L3MBTL4: variants seen among roughly 807,000 people sequenced by gnomAD.
The protein encoded by L3MBTL4 is lethal(3)malignant brain tumor-like protein 4.
Under a neutral mutation model 84.5 loss-of-function variants are expected in L3MBTL4, and 70 were observed. That is an observed-to-expected ratio of 0.83 (90% CI 0.68 to 1.01). L3MBTL4 has a LOEUF of 1.01. Ranked by LOEUF, L3MBTL4 falls within the 50% of genes least tolerant of loss-of-function variation. The pLI is 0.00. For missense variants in L3MBTL4, 715 were observed against 754.8 expected (o/e 0.95, Z 0.62); for synonymous variants, 274 against 259.8 (o/e 1.05, Z -0.52).
intron 16 of L3MBTL4, among the ~76,000 whole-genome samples, chr18:6,021,128 G>A (rs1334851795): frequency 2.0e-5 from 3 of 152,140 alleles, no homozygotes; most frequent in Non-Finnish European, 2.9e-5. Flanking sequence ...GCTTTTCCAC[G>A]GTCAAGTAAG....
intron 10 of L3MBTL4, among the ~76,000 whole-genome samples, chr18:6,230,342 C>T (rs487409): frequency 6.6e-6 from 1 of 152,138 alleles, no homozygotes; most frequent in African/African-American, 2.4e-5. Flanking sequence ...ATTCTGTTTT[C>T]TGCTCCTCTG....
chr18:6,219,794 T>A (rs140840892), intron 10 of L3MBTL4, among the ~76,000 whole-genome samples: 1 of 152,078 alleles, frequency 6.6e-6, no homozygotes, highest in African/African-American at 2.4e-5. Context: ...AGCTGAGAAC[T>A]GTTTTAGAAG....
intron 14 of L3MBTL4, among the ~76,000 whole-genome samples, chr18:6,137,311 T>TACAC (rs2060054624): frequency 6.6e-6 from 1 of 152,246 alleles, no homozygotes; most frequent in South Asian, 2.1e-4. Context: ...ATATCACATT[T>TACAC]ATATTCATGT....
intron 1 of L3MBTL4, among the ~76,000 whole-genome samples, chr18:6,334,277 A>G (rs1244703464): frequency 2.6e-5 from 4 of 152,188 alleles, no homozygotes; most frequent in Non-Finnish European, 5.9e-5. Flanking sequence ...TGCGGAATGC[A>G]TGTCAATAGC....
At position 6,311,588 on chromosome 18, in the gene L3MBTL4, T is replaced by C; in HGVS notation, c.38A>G (p.Asp13Gly). 6.2e-7 allele frequency: 1 copy of C among 1,613,638 alleles called. No individual in the cohort carries two copies. The highest frequency in any genetic ancestry group is 8.5e-7 in the Non-Finnish European group (1 of 1,179,866). The change falls in exon 3 of 19, where the codon GAT becomes GGT. Residue 13 changes from aspartate to glycine, a missense_variant. By Grantham distance (94) the Asp-to-Gly change is moderately conservative. Coordinates refer to ENST00000317931, the MANE Select transcript of L3MBTL4 (RefSeq NM_001330559.2). ...QPNRKRKLNMDSKERLDQDGR... is the reference protein window; with the variant it reads ...QPNRKRKLNMGSKERLDQDGR... ...GTCCTGATCCAAACGCTCTTTGGAA[T>C]CCATATTAAGCTTCCTTTTCCTGTT...
intron 14 of L3MBTL4, among the ~76,000 whole-genome samples, chr18:6,136,249 G>A (rs761364222): frequency 5.9e-5 from 9 of 152,102 alleles, no homozygotes; most frequent in Admixed American, 4.6e-4. Flanking sequence ...CCATATCACA[G>A]CCCCTCCCAA....
intron 4 of L3MBTL4, among the ~76,000 whole-genome samples, chr18:6,296,838 A>G (rs1386910633): frequency 6.6e-6 from 1 of 152,232 alleles, no homozygotes; most frequent in Non-Finnish European, 1.5e-5. Context: ...GATGTCAAGA[A>G]GGATGAGTTG....
rs541690886 is a variant in L3MBTL4, at chr18:6,029,996, A to C, written c.1444+50885T>G. 1.5e-5 allele frequency: 15 copies of C among 985,468 alleles called. No homozygotes were observed. In the South Asian group the frequency reaches 7.0e-4, roughly 46 times the overall value. The allele number at this position is 985,468 out of a possible 1,614,324, so 61.0% of individuals were successfully genotyped here. A position where few individuals can be genotyped will look rare whatever the true frequency, so the allele number is the denominator to read the frequency against. Reference sequence around the variant, plus strand: ...TCCTTTACACAGCAACATGAAAACCATCCAGATGGCCATGGGCAGGGACTG... The same window carrying C: ...TCCTTTACACAGCAACATGAAAACCCTCCAGATGGCCATGGGCAGGGACTG... On this transcript the variant is annotated intron_variant, in intron 16 of 18. Transcript: ENST00000317931.
chr18:6,094,600 C>G (rs1463152533), intron 14 of L3MBTL4, among the ~76,000 whole-genome samples: 1 of 152,144 alleles, frequency 6.6e-6, no homozygotes, highest in African/African-American at 2.4e-5. Flanking sequence ...ACTTCCTACT[C>G]ACTATGAATT....
At chr18:6,362,704 C>G (rs1413582084) in intron 1 of L3MBTL4, among the ~76,000 whole-genome samples, 2 of 152,238 alleles carry the variant, frequency 1.3e-5, no homozygotes, top group Non-Finnish European at 2.9e-5. Context: ...CTTTCCCTCC[C>G]TGGTAACTTA....
At chr18:6,071,371 C>T (rs942452023) in intron 16 of L3MBTL4, among the ~76,000 whole-genome samples, 1 of 142,012 alleles carries the variant, frequency 7.0e-6, no homozygotes, top group African/African-American at 2.6e-5. Context: ...AGCTGGGAGA[C>T]AGAGTGAGAC....
At chr18:6,103,674 T>G (rs2058906349) in intron 14 of L3MBTL4, among the ~76,000 whole-genome samples, 1 of 152,238 alleles carries the variant, frequency 6.6e-6, no homozygotes, top group Non-Finnish European at 1.5e-5. Context: ...AACAGTTTCC[T>G]GAATATGCAT....
intron 12 of L3MBTL4, among the ~76,000 whole-genome samples, chr18:6,212,223 A>C (rs998990187): frequency 1.6e-4 from 24 of 152,338 alleles, no homozygotes; most frequent in African/African-American, 5.3e-4. Flanking sequence ...TTCTTTTGAT[A>C]ATCTATTGCC....
intron 4 of L3MBTL4, among the ~76,000 whole-genome samples, chr18:6,281,471 A>C (rs1261159702): frequency 6.6e-6 from 1 of 152,230 alleles, no homozygotes; most frequent in East Asian, 1.9e-4. Flanking sequence ...TATATTTAAC[A>C]AATCAGGTAA....
Position 6,239,819 on chromosome 18 carries a change from G to C in L3MBTL4, c.606C>G (p.Asp202Glu), listed in dbSNP as rs745424008. 1.9e-6 allele frequency: 3 copies of C among 1,614,170 alleles called. No homozygotes were observed. The highest frequency in any genetic ancestry group is 1.1e-5 in the South Asian group (1 of 91,086). The change falls in exon 9 of 19, where the codon GAC becomes GAG. Residue 202 changes from aspartate to glutamate, a missense_variant. Transcript: ENST00000317931. ...CACACACCAAGGAAGGGTTCTTCCTGTCCACGGCCTCCAGCTTCATTCCAA... is the reference window on the plus strand; with the variant it reads ...CACACACCAAGGAAGGGTTCTTCCTCTCCACGGCCTCCAGCTTCATTCCAA... ...FQVGMKLEAV[D>E]RKNPSLVCVA...
chr18:6,334,929 G>A (rs532724911), intron 1 of L3MBTL4, among the ~76,000 whole-genome samples: 12 of 151,654 alleles, frequency 7.9e-5, no homozygotes, highest in South Asian at 6.3e-4. Flanking sequence ...CTTTATATAC[G>A]TCCAAAATCA....
intron 12 of L3MBTL4, among the ~76,000 whole-genome samples, chr18:6,185,998 T>G (rs57528059): frequency 1.3e-5 from 2 of 149,440 alleles, no homozygotes; most frequent in African/African-American, 5.0e-5. Flanking sequence ...TATTTTATTA[T>G]TTTATATTTT....
At chr18:6,378,643 A>G (rs945455418) in intron 1 of L3MBTL4, among the ~76,000 whole-genome samples, 3 of 152,080 alleles carry the variant, frequency 2.0e-5, no homozygotes, top group Admixed American at 6.5e-5. Context: ...GTGTGGTGTT[A>G]TTTCTGAGGC....
intron 16 of L3MBTL4, among the ~76,000 whole-genome samples, chr18:6,019,334 T>C (rs1462013994): frequency 6.6e-6 from 1 of 152,216 alleles, no homozygotes; most frequent in African/African-American, 2.4e-5. Flanking sequence ...ACTTTTTGTG[T>C]AAGGACTGTC....
Sources: allele counts gnomAD v4.1 joint callset (sites outside exome capture counted in the v4.1 genomes callset), GRCh38; gene constraint gnomAD v4.1.1; transcripts MANE v1.5; gene names NCBI Gene and HGNC (gene_info 2026-07-23, HGNC 2026-07-21).